The following ATRN variants were observed in gnomAD, a reference collection of about 807,000 sequenced individuals.
The protein encoded by ATRN is attractin.
A neutral mutation model predicts 178.7 loss-of-function variants in ATRN; 54 were observed. The observed-to-expected ratio is 0.30, with a 90% CI of 0.24 to 0.38. ATRN has a LOEUF of 0.38. Ranked by LOEUF, ATRN falls within the 10% of genes least tolerant of loss-of-function variation. The pLI is 1.00. For missense variants in ATRN, 1,443 were observed against 1,815.1 expected, an observed-to-expected ratio of 0.79 and a Z score of 3.73; for synonymous variants, 636 against 663.0, an observed-to-expected ratio of 0.96 and a Z score of 0.63.
chr20:3,594,870 C>A (rs2086502844), intron 20 of ATRN, among the ~76,000 whole-genome samples: 1 of 152,128 alleles, frequency 6.6e-6, no homozygotes, highest in Non-Finnish European at 1.5e-5. Flanking sequence ...TCAGCAACTA[C>A]TTGATTTTTG....
chr20:3,561,306 G>T (rs893598962), intron 8 of ATRN, among the ~76,000 whole-genome samples: 3 of 152,158 alleles, frequency 2.0e-5, no homozygotes, highest in African/African-American at 7.2e-5. Context: ...CTGGGGGACA[G>T]AGTGAGACTC....
intron 28 of ATRN, among the ~76,000 whole-genome samples, chr20:3,646,083 C>T (rs974405137): frequency 6.6e-6 from 1 of 152,192 alleles, no homozygotes; most frequent in Non-Finnish European, 1.5e-5. Context: ...TGTCAGTTCA[C>T]TCATTGATTC....
intron 1 of ATRN, among the ~76,000 whole-genome samples, chr20:3,484,708 T>C (rs950636177): frequency 2.0e-5 from 3 of 152,128 alleles, no homozygotes; most frequent in African/African-American, 7.2e-5. Context: ...CTGTCATCTT[T>C]ATTATAGAGG....
chr20:3,496,397 A>G (rs1445825926), intron 1 of ATRN, among the ~76,000 whole-genome samples: 1 of 151,192 alleles, frequency 6.6e-6, no homozygotes, highest in Non-Finnish European at 1.5e-5. Context: ...TTCTGCCTTC[A>G]TTTCGTTATG....
intron 1 of ATRN, among the ~76,000 whole-genome samples, chr20:3,532,600 T>TA (rs1464347026): frequency 6.6e-6 from 1 of 152,196 alleles, no homozygotes; most frequent in Admixed American, 6.5e-5. Flanking sequence ...GAGTTTGGGT[T>TA]ACAACTTGAT....
Position 3,562,321 on chromosome 20 carries a change from A to G in ATRN, c.1493A>G (p.Gln498Arg). The change falls in exon 9 of 29, where the codon CAA (glutamine) becomes CGA (arginine). Residue 498 changes from glutamine (Q) to arginine (R), a missense_variant. Transcript: ENST00000262919. ...SILHTQGALV[Q>R]GGYGHSSVYD... ...TTACACACCCAGGGTGCCCTTGTGC[A>G]AGGGGGTTACGGCCATAGCAGTGTT... 1 of 1,614,070 alleles carries G rather than the reference A, an allele frequency of 6.2e-7. No homozygotes were observed. Among genetic ancestry groups the G allele is most frequent in the Non-Finnish European group, 8.5e-7 (1 of 1,179,958 alleles).
At chr20:3,556,557 G>A (rs1038592103) in intron 6 of ATRN, among the ~76,000 whole-genome samples, 3 of 152,134 alleles carry the variant, frequency 2.0e-5, no homozygotes, top group South Asian at 4.1e-4. Flanking sequence ...CCATCCTAGA[G>A]GGGTCGAGGG....
Position 3,540,310 on chromosome 20 carries a change from T to A in ATRN, c.583T>A (p.Tyr195Asn), listed in dbSNP as rs755924497. Residue 195 changes from tyrosine to asparagine, a missense_variant, in exon 3 of 29, where the codon TAT becomes AAT. Around this residue, in one of 4 missense-constraint regions of ATRN, gnomAD observed 862 missense variants for 972.1 expected, o/e 0.89. Transcript: ENST00000262919. Reference protein sequence around the residue: ...HLYVYDGDSIYAPLVAAFSGL... With the variant: ...HLYVYDGDSINAPLVAAFSGL... ...ATATGTTTATGATGGGGACTCAATT[T>A]ATGCACCGCTAGTTGCTGCATTTAG... 1 of 1,607,530 alleles carries A rather than the reference T, an allele frequency of 6.2e-7. No homozygotes were observed. The highest frequency in any genetic ancestry group is 1.3e-5 in the African/African-American group (1 of 74,790).
At chr20:3,484,091 A>G (rs571868071) in intron 1 of ATRN, among the ~76,000 whole-genome samples, 25 of 152,188 alleles carry the variant, frequency 1.6e-4, no homozygotes, top group African/African-American at 4.8e-4. Context: ...CTATAAAAAA[A>G]TTTAAAAATT....
In ATRN at chr20:3,575,929, A is replaced by G. The variant is rs1423164693; in HGVS notation, c.2195A>G (p.His732Arg). The change falls in exon 13 of 29, where the codon CAC becomes CGC. Residue 732 changes from histidine to arginine, a missense_variant. His to Arg is a conservative substitution (Grantham distance 29, BLOSUM62 0). Coordinates refer to ENST00000262919, the MANE Select transcript of ATRN (RefSeq NM_139321.3). ...AATGACCATTGTGTCCCCAGGAACC[A>G]CAGCTGCTCAGAAGGCCAGGTCAGA... The part of the protein sequence containing the change: ...WCNDHCVPRN[H>R]SCSEGQISIF... 1.3e-5 allele frequency: 21 copies of G among 1,613,838 alleles called. No homozygotes were observed. In the Admixed American group the frequency reaches 3.0e-4, roughly 23 times the overall value.
At position 3,628,830 on chromosome 20, in the gene ATRN, A is replaced by G. The variant is rs568863310; in HGVS notation, c.3863+4258A>G. 1.2e-3 allele frequency: 1,159 copies of G among 940,250 alleles called. 1 individual carries two copies. Among genetic ancestry groups the G allele is most frequent in the Non-Finnish European group, 1.4e-3 (1,129 of 789,066 alleles). 58.2% of individuals were successfully genotyped at this position (940,250 alleles called of 1,614,324 possible). On this transcript the variant is annotated intron_variant, in intron 25 of 28. Transcript: ENST00000262919. The stretch of plus-strand genomic sequence containing the variant: ...AGCCGTCTCTGACCCATGCTGCCCT[A>G]CTGCTGCTTCTTAGCCTGCCTATTA...
intron 1 of ATRN, 108 bp downstream of exon 1, chr20:3,471,625 G>A (rs930961363): frequency 1.5e-6 from 2 of 1,313,868 alleles, no homozygotes; most frequent in African/African-American, 1.6e-5. Context: ...AAGTGGAGAG[G>A]GTAGGGCCGC....
At chr20:3,596,720 T>G (rs920476622) in intron 21 of ATRN, among the ~76,000 whole-genome samples, 32 of 152,006 alleles carry the variant, frequency 2.1e-4, no homozygotes, top group Non-Finnish European at 4.3e-4. Context: ...AAAACTTTAC[T>G]TTATTTGCCA....
At chr20:3,497,020 C>T (rs2084889783) in intron 1 of ATRN, among the ~76,000 whole-genome samples, 2 of 151,960 alleles carry the variant, frequency 1.3e-5, no homozygotes, top group African/African-American at 2.4e-5. Context: ...CTTGGTAGAT[C>T]TTCCACCATC....
At chr20:3,503,238 G>A (rs2084988224) in intron 1 of ATRN, among the ~76,000 whole-genome samples, 1 of 152,168 alleles carries the variant, frequency 6.6e-6, no homozygotes, top group African/African-American at 2.4e-5. Flanking sequence ...AAACTAAACA[G>A]GGTGGCTAAC....
chr20:3,522,272 A>T (rs979987060), intron 1 of ATRN, among the ~76,000 whole-genome samples: 1 of 152,266 alleles, frequency 6.6e-6, no homozygotes, highest in Non-Finnish European at 1.5e-5. Context: ...CTAAAGCAGT[A>T]TATAGAGAGG....
intron 1 of ATRN, among the ~76,000 whole-genome samples, chr20:3,508,717 T>C (rs1288428072): frequency 6.6e-6 from 1 of 152,168 alleles, no homozygotes; most frequent in Non-Finnish European, 1.5e-5. Context: ...GTGGAAAGAA[T>C]AAAGTGTGGG....
chr20:3,579,116 G>A (rs1223657129), intron 15 of ATRN, among the ~76,000 whole-genome samples: 1 of 152,120 alleles, frequency 6.6e-6, no homozygotes, highest in Middle Eastern at 3.2e-3. Context: ...AATTAGCTAG[G>A]TTGGATTAAG....
At chr20:3,572,976 AT>A in intron 12 of ATRN, 25 bp downstream of exon 12, 1 of 1,589,944 alleles carries the variant, frequency 6.3e-7, no homozygotes. Flanking sequence ...CTCTACTTAG[AT>A]TTTAATGAAT....
Sources: allele counts gnomAD v4.1 joint callset (sites outside exome capture counted in the v4.1 genomes callset), GRCh38; gene constraint gnomAD v4.1.1; regional missense constraint gnomAD v4.1.1; transcripts MANE v1.5; gene names NCBI Gene and HGNC (gene_info 2026-07-23, HGNC 2026-07-21).